The following PCDH15 variants were observed in gnomAD, a reference collection of about 807,000 sequenced individuals.
PCDH15 encodes the protein protocadherin-15.
A neutral mutation model predicts 178.5 loss-of-function variants in PCDH15; 129 were observed. That is an observed-to-expected ratio of 0.72 (90% CI 0.63 to 0.84). PCDH15 has a LOEUF of 0.84. PCDH15 is among the 40% of genes least tolerant of loss of function. PCDH15 has a pLI of 0.00. For missense variants in PCDH15, 2,230 were observed against 2,099.9 expected, an observed-to-expected ratio of 1.06 and a Z score of -1.21; for synonymous variants, 800 against 732.0, an observed-to-expected ratio of 1.09 and a Z score of -1.50.
At chr10:54,457,492 C>T (rs777354232) in intron 3 of PCDH15, among the ~76,000 whole-genome samples, 14 of 152,222 alleles carry the variant, frequency 9.2e-5, no homozygotes, top group Non-Finnish European at 1.9e-4. Context: ...TTTTCTGCCT[C>T]ACAGTTGGAA....
intron 26 of PCDH15, among the ~76,000 whole-genome samples, chr10:53,892,326 C>T (rs1011785248): frequency 6.6e-6 from 1 of 152,074 alleles, no homozygotes; most frequent in Non-Finnish European, 1.5e-5. Context: ...GGACCGGCCT[C>T]ATCGATTTTG....
At chr10:53,858,059 T>A (rs1417685719) in intron 27 of PCDH15, among the ~76,000 whole-genome samples, 1 of 152,078 alleles carries the variant, frequency 6.6e-6, no homozygotes, top group Non-Finnish European at 1.5e-5. Flanking sequence ...TAATCCTAAT[T>A]AAATGCAGTC....
At chr10:54,167,343 C>G (rs955837615) in intron 13 of PCDH15, among the ~76,000 whole-genome samples, 8 of 152,062 alleles carry the variant, frequency 5.3e-5, no homozygotes, top group Non-Finnish European at 1.2e-4. Flanking sequence ...CTCCTTTCCA[C>G]TCTTCAATCT....
intron 2 of PCDH15, among the ~76,000 whole-genome samples, chr10:55,425,756 TTGAA>T (rs1838740050): frequency 6.6e-6 from 1 of 152,186 alleles, no homozygotes; most frequent in Non-Finnish European, 1.5e-5. Flanking sequence ...AAGGATCTGA[TTGAA>T]TGTTTGTCTT....
At chr10:54,305,889 G>A (rs2060437893) in intron 8 of PCDH15, among the ~76,000 whole-genome samples, 1 of 151,860 alleles carries the variant, frequency 6.6e-6, no homozygotes, top group Non-Finnish European at 1.5e-5. Flanking sequence ...GGATGATAAA[G>A]GACAGAAAAA....
chr10:54,281,451 AAATT>A (rs2058700759), intron 8 of PCDH15, among the ~76,000 whole-genome samples: 1 of 151,838 alleles, frequency 6.6e-6, no homozygotes, highest in East Asian at 1.9e-4. Flanking sequence ...AAGCCTAATT[AAATT>A]AATATATGAA....
chr10:55,215,650 C>G (rs906267039), intron 1 of PCDH15, among the ~76,000 whole-genome samples: 2 of 151,994 alleles, frequency 1.3e-5, no homozygotes, highest in Non-Finnish European at 2.9e-5. Context: ...TGTATGTATA[C>G]TACTCAATGG....
In PCDH15 at chr10:55,162,313, A is replaced by G. The variant is rs1839087553; in HGVS notation, c.-80+4263T>C. On this transcript the variant is annotated intron_variant, in intron 2 of 5. Transcript: ENST00000458638. Reference sequence around the variant, plus strand: ...CATTTATATCCCTTCTAAAATAACTATGTTTCTTTAACTTGAATAAACATA... The same window carrying G: ...CATTTATATCCCTTCTAAAATAACTGTGTTTCTTTAACTTGAATAAACATA... Among the ~76,000 whole-genome samples, 3 of 152,178 alleles carry G rather than the reference A, an allele frequency of 2.0e-5. No homozygotes were observed. The South Asian group carries it at 6.2e-4, about 31-fold the overall frequency.
At chr10:54,511,478 C>G (rs1477464962) in intron 3 of PCDH15, among the ~76,000 whole-genome samples, 1 of 152,114 alleles carries the variant, frequency 6.6e-6, no homozygotes, top group Non-Finnish European at 1.5e-5. Flanking sequence ...ATTGCTACAA[C>G]AGATCCCAGT....
intron 4 of PCDH15, among the ~76,000 whole-genome samples, chr10:54,369,984 T>C (rs1947404287): frequency 6.6e-6 from 1 of 152,028 alleles, no homozygotes; most frequent in South Asian, 2.1e-4. Context: ...CAAGTAATAA[T>C]TTAAAATGAA....
intron 2 of PCDH15, among the ~76,000 whole-genome samples, chr10:55,376,232 A>G (rs1588967300): frequency 6.6e-6 from 1 of 152,188 alleles, no homozygotes; most frequent in African/African-American, 2.4e-5. Flanking sequence ...ATTTTATTTT[A>G]ATTTTCTATT....
At chr10:55,380,326 C>G (rs1200112272) in intron 2 of PCDH15, among the ~76,000 whole-genome samples, 1 of 152,130 alleles carries the variant, frequency 6.6e-6, no homozygotes, top group African/African-American at 2.4e-5. Flanking sequence ...AATTTAAGAA[C>G]TCTCTGATAC....
intron 3 of PCDH15, among the ~76,000 whole-genome samples, chr10:54,816,557 G>T (rs1484935267): frequency 6.6e-6 from 1 of 151,892 alleles, no homozygotes; most frequent in African/African-American, 2.4e-5. Context: ...CATGCCCTTT[G>T]ATTTGTGTGG....
intron 2 of PCDH15, among the ~76,000 whole-genome samples, chr10:54,532,288 T>G (rs1453388458): frequency 6.6e-6 from 1 of 151,638 alleles, no homozygotes; most frequent in Non-Finnish European, 1.5e-5. Flanking sequence ...GATTCTAGAA[T>G]GTAAACTAAC....
At chr10:55,525,105 A>T (rs1175007208) in intron 2 of PCDH15, among the ~76,000 whole-genome samples, 2 of 151,836 alleles carry the variant, frequency 1.3e-5, no homozygotes, top group East Asian at 1.9e-4. Flanking sequence ...CCCAGAAAAG[A>T]ATGCATCACG....
At chr10:54,165,583 G>A (rs2046142109) in intron 13 of PCDH15, among the ~76,000 whole-genome samples, 1 of 152,020 alleles carries the variant, frequency 6.6e-6, no homozygotes, top group African/African-American at 2.4e-5. Flanking sequence ...AACCTTAAGT[G>A]CTCTAATGCT....
chr10:55,610,736 C>T (rs916413091), intron 2 of PCDH15, among the ~76,000 whole-genome samples: 2 of 151,880 alleles, frequency 1.3e-5, no homozygotes, highest in Admixed American at 6.6e-5. Context: ...CAATTATACC[C>T]CCAGAGTCAA....
At chr10:55,136,324 T>C (rs1245743741) in intron 2 of PCDH15, among the ~76,000 whole-genome samples, 2 of 152,102 alleles carry the variant, frequency 1.3e-5, no homozygotes, top group African/African-American at 4.8e-5. Context: ...CCAAGTTTCT[T>C]TCCAGTTTTG....
At chr10:55,378,468 A>G (rs1479389099) in intron 2 of PCDH15, among the ~76,000 whole-genome samples, 1 of 152,126 alleles carries the variant, frequency 6.6e-6, no homozygotes, top group African/African-American at 2.4e-5. Context: ...ATCCCCTTAA[A>G]AGGAACTACA....
Sources: gnomAD v4.1 joint callset for allele counts (sites outside exome capture counted in the v4.1 genomes callset) on GRCh38, gnomAD v4.1.1 for gene constraint, MANE v1.5 for transcripts, NCBI Gene and HGNC (gene_info 2026-07-23, HGNC 2026-07-21) for gene names.